The following RUNDC3B variants were observed in gnomAD, a reference collection of about 807,000 sequenced individuals.
RUNDC3B encodes RUN domain-containing protein 3B.
A neutral mutation model predicts 58.4 loss-of-function variants in RUNDC3B; 33 were observed. That is an observed-to-expected ratio of 0.56 (90% CI 0.43 to 0.75). RUNDC3B has a LOEUF of 0.75. RUNDC3B is among the 30% of genes least tolerant of loss of function. The pLI, the probability that RUNDC3B is intolerant of heterozygous loss-of-function variation, is 0.00. For synonymous variants in RUNDC3B, 193 were observed against 195.2 expected (o/e 0.99, Z 0.10); for missense variants, 501 against 535.7 (o/e 0.94, Z 0.64).
At chr7:87,633,958 C>T (rs181580083) in intron 1 of RUNDC3B, among the ~76,000 whole-genome samples, 143 of 152,232 alleles carry the variant, frequency 9.4e-4, no homozygotes, top group African/African-American at 3.3e-3. Flanking sequence ...ACCGTGGCCC[C>T]GGCATCTGCT....
intron 6 of RUNDC3B, among the ~76,000 whole-genome samples, chr7:87,759,112 T>C (rs1312769137): frequency 1.3e-5 from 2 of 152,058 alleles, no homozygotes; most frequent in Non-Finnish European, 2.9e-5. Context: ...AATGGCTAAA[T>C]AAAATGTGGT....
At chr7:87,644,487 C>T (rs1032451965) in intron 1 of RUNDC3B, among the ~76,000 whole-genome samples, 5 of 152,144 alleles carry the variant, frequency 3.3e-5, no homozygotes, top group South Asian at 2.1e-4. Flanking sequence ...TGGATACTTA[C>T]GTTCTATTAA....
intron 1 of RUNDC3B, among the ~76,000 whole-genome samples, chr7:87,638,491 A>G (rs999356767): frequency 4.6e-5 from 7 of 152,082 alleles, no homozygotes; most frequent in African/African-American, 1.4e-4. Context: ...TTTGTGGGAA[A>G]TCATTTAGTA....
intron 2 of RUNDC3B, among the ~76,000 whole-genome samples, chr7:87,679,157 A>G (rs1293048923): frequency 1.5e-5 from 2 of 132,704 alleles, no homozygotes; most frequent in African/African-American, 3.0e-5. Flanking sequence ...CAGTGGCGCG[A>G]TCTTGGCTCA....
intron 2 of RUNDC3B, among the ~76,000 whole-genome samples, chr7:87,696,687 A>G (rs542760178): frequency 1.8e-4 from 28 of 152,298 alleles, no homozygotes; most frequent in Non-Finnish European, 3.5e-4. Context: ...GAAGGAAGCC[A>G]GAATCAAGCC....
intron 1 of RUNDC3B, among the ~76,000 whole-genome samples, chr7:87,645,070 A>G (rs1193146617): frequency 6.8e-6 from 1 of 147,950 alleles, no homozygotes; most frequent in South Asian, 2.1e-4. Context: ...AGTCACAATC[A>G]TGCTTTCTTT....
intron 2 of RUNDC3B, among the ~76,000 whole-genome samples, chr7:87,652,423 T>A (rs963700607): frequency 3.3e-5 from 5 of 151,972 alleles, no homozygotes; most frequent in Non-Finnish European, 5.9e-5. Flanking sequence ...TCAGAATTAT[T>A]TCTAAACAAT....
rs1828933742 is a variant in RUNDC3B, at chr7:87,700,478, T to C, written c.296T>C (p.Val99Ala). 6.2e-7 allele frequency: 1 copy of C among 1,613,210 alleles called. No individual in the cohort carries two copies. The highest frequency in any genetic ancestry group is 8.5e-7 in the Non-Finnish European group (1 of 1,179,626). ...SPRSFWDYIR[V>A]ACRKVSQNCI... ...CGTAGCTTCTGGGACTATATCAGAG[T>C]GGCTTGCCGGAAAGTTTCACAGAAT... The change falls in exon 3 of 11, where the codon GTG becomes GCG. Residue 99 changes from valine to alanine, a missense_variant. Coordinates refer to ENST00000394654, the MANE Select transcript of RUNDC3B (RefSeq NM_001134405.2).
intron 4 of RUNDC3B, among the ~76,000 whole-genome samples, chr7:87,724,234 T>C (rs112705033): frequency 2.4e-3 from 368 of 152,236 alleles, no homozygotes; most frequent in South Asian, 0.01. Context: ...CTGAGTCCCC[T>C]GAAACCATGT....
chr7:87,740,222 A>C (rs867286815), intron 5 of RUNDC3B, among the ~76,000 whole-genome samples: 1 of 152,188 alleles, frequency 6.6e-6, no homozygotes, highest in Non-Finnish European at 1.5e-5. Flanking sequence ...TAAAAGAAAT[A>C]GACTTAAAGT....
chr7:87,769,268 C>T (rs1422850545), intron 6 of RUNDC3B, among the ~76,000 whole-genome samples: 1 of 152,060 alleles, frequency 6.6e-6, no homozygotes, highest in Non-Finnish European at 1.5e-5. Flanking sequence ...ACCTTGGCCT[C>T]CCAAAGGGCT....
intron 7 of RUNDC3B, 87 bp downstream of exon 7, chr7:87,770,836 A>G: frequency 1.1e-6 from 1 of 895,436 alleles, no homozygotes; most frequent in Non-Finnish European, 1.7e-6. Context: ...TAACTGAATA[A>G]AATTATTTAT....
intron 2 of RUNDC3B, among the ~76,000 whole-genome samples, chr7:87,673,061 G>A (rs1825991996): frequency 6.6e-6 from 1 of 152,194 alleles, no homozygotes; most frequent in African/African-American, 2.4e-5. Flanking sequence ...CTTCTGGTTT[G>A]TAGGCTTTCT....
chr7:87,825,720 A>G (rs975437978), intron 10 of RUNDC3B, among the ~76,000 whole-genome samples: 2 of 152,304 alleles, frequency 1.3e-5, no homozygotes, highest in Admixed American at 1.3e-4. Context: ...GCAAAACCAC[A>G]GGGGTGGAGC....
At chr7:87,824,258 C>G (rs1010475889) in intron 10 of RUNDC3B, among the ~76,000 whole-genome samples, 3 of 151,986 alleles carry the variant, frequency 2.0e-5, no homozygotes, top group Admixed American at 6.6e-5. Context: ...TGTGAGGAAC[C>G]CAGTGGGAGG....
intron 1 of RUNDC3B, among the ~76,000 whole-genome samples, chr7:87,644,763 G>A (rs1822812414): frequency 6.7e-6 from 1 of 149,210 alleles, no homozygotes; most frequent in Admixed American, 6.7e-5. Context: ...GTGTATATAT[G>A]GATATATATA....
At chr7:87,702,031 T>C (rs1426843502) in intron 3 of RUNDC3B, among the ~76,000 whole-genome samples, 1 of 150,244 alleles carries the variant, frequency 6.7e-6, no homozygotes, top group Non-Finnish European at 1.5e-5. Context: ...TAATCCCAGC[T>C]ACTTGGGAGG....
chr7:87,764,867 G>A (rs1402406997), intron 6 of RUNDC3B, among the ~76,000 whole-genome samples: 1 of 151,908 alleles, frequency 6.6e-6, no homozygotes, highest in Non-Finnish European at 1.5e-5. Context: ...ACATACAAGG[G>A]AGAGTGTCTT....
At chr7:87,754,485 G>A (rs975661495) in intron 6 of RUNDC3B, among the ~76,000 whole-genome samples, 34 of 152,172 alleles carry the variant, frequency 2.2e-4, no homozygotes, top group African/African-American at 8.0e-4. Flanking sequence ...ACATGAAAAT[G>A]TAGGAAAGAT....
Sources: allele counts gnomAD v4.1 joint callset (sites outside exome capture counted in the v4.1 genomes callset), GRCh38; gene constraint gnomAD v4.1.1; transcripts MANE v1.5; gene names NCBI Gene and HGNC (gene_info 2026-07-23, HGNC 2026-07-21).